The following PDE7B variants were observed in gnomAD, a reference collection of about 807,000 sequenced individuals.
PDE7B encodes 3',5'-cyclic-AMP phosphodiesterase 7B.
In PDE7B, 29 loss-of-function variants were observed where a neutral mutation model predicts 56.2. That is an observed-to-expected ratio of 0.52 (90% confidence interval 0.38 to 0.70). The LOEUF (loss-of-function observed/expected upper bound fraction) is 0.70, where lower values mean the gene tolerates loss of function less well. PDE7B is among the 30% of genes least tolerant of loss of function. The pLI, the probability that PDE7B is intolerant of heterozygous loss-of-function variation, is 0.00. For missense variants in PDE7B, 490 were observed against 565.0 expected, an observed-to-expected ratio of 0.87 and a Z score of 1.35; for synonymous variants, 197 against 196.9, an observed-to-expected ratio of 1.00 and a Z score of 0.00.
chr6:136,060,890 G>GT, intron 2 of PDE7B, among the ~76,000 whole-genome samples: 1 of 152,244 alleles, frequency 6.6e-6, no homozygotes, highest in Middle Eastern at 3.4e-3. Flanking sequence ...TAAAAAAGAA[G>GT]TCCTTGGAGT....
At chr6:136,187,162 T>A in intron 12 of PDE7B, 46 bp downstream of exon 12, 3 of 941,974 alleles carry the variant, frequency 3.2e-6, no homozygotes, top group Non-Finnish European at 5.1e-6. Flanking sequence ...CTTTGGCACA[T>A]CTCACAAAAG....
At chr6:135,983,398 G>A (rs1410088676) in intron 2 of PDE7B, among the ~76,000 whole-genome samples, 1 of 152,134 alleles carries the variant, frequency 6.6e-6, no homozygotes, top group Non-Finnish European at 1.5e-5. Context: ...ATTACATTTT[G>A]TTGTGTGTAA....
chr6:136,008,439 G>C (rs374836049), intron 2 of PDE7B, among the ~76,000 whole-genome samples: 3 of 152,138 alleles, frequency 2.0e-5, no homozygotes, highest in Admixed American at 6.5e-5. Flanking sequence ...AACTAGTGTA[G>C]AGTCCCACCA....
intron 8 of PDE7B, among the ~76,000 whole-genome samples, chr6:136,170,264 T>A (rs1324167493): frequency 1.3e-5 from 2 of 152,162 alleles, no homozygotes; most frequent in African/African-American, 2.4e-5. Context: ...TCCTTGCTTC[T>A]TTTCCCTTAC....
intron 3 of PDE7B, among the ~76,000 whole-genome samples, chr6:136,132,027 A>G (rs1299339641): frequency 6.6e-6 from 1 of 152,174 alleles, no homozygotes; most frequent in African/African-American, 2.4e-5. Context: ...GTTTTACTAT[A>G]CTTTTTATGT....
chr6:135,942,205 A>C (rs192008716), intron 1 of PDE7B, among the ~76,000 whole-genome samples: 1 of 152,316 alleles, frequency 6.6e-6, no homozygotes, highest in Admixed American at 6.5e-5. Flanking sequence ...TTTTATAACT[A>C]AACGTATGGT....
At chr6:135,926,101 A>AGG (rs1458954637) in intron 1 of PDE7B, among the ~76,000 whole-genome samples, 1 of 16,862 alleles carries the variant, frequency 5.9e-5, no homozygotes, top group African/African-American at 1.7e-4. Context: ...GGGGGGGGGG[A>AGG]GGGGGGATGG....
At chr6:136,156,214 G>A (rs891148708) in intron 8 of PDE7B, 1 of 272,160 alleles carries the variant, frequency 3.7e-6, no homozygotes, top group African/African-American at 2.6e-5. Context: ...TTCAGAAACA[G>A]GGTCTTGCTT....
chr6:135,918,306 A>T (rs986516967), intron 1 of PDE7B, among the ~76,000 whole-genome samples: 1 of 152,148 alleles, frequency 6.6e-6, no homozygotes, highest in Non-Finnish European at 1.5e-5. Context: ...ATGTTTTCCA[A>T]CATCTGAAAC....
At chr6:136,034,330 T>C (rs563612288) in intron 2 of PDE7B, 4 of 152,330 alleles carry the variant, frequency 2.6e-5, no homozygotes, top group Admixed American at 6.5e-5. Flanking sequence ...AAATCAACTA[T>C]ATATTTGACA....
At chr6:135,934,235 C>A (rs769272359) in intron 1 of PDE7B, among the ~76,000 whole-genome samples, 7 of 152,032 alleles carry the variant, frequency 4.6e-5, no homozygotes, top group Admixed American at 2.6e-4. Context: ...CCCCAAGTGA[C>A]CTTTATATAA....
At chr6:136,138,431 C>T (rs144629684) in intron 3 of PDE7B, among the ~76,000 whole-genome samples, 279 of 151,974 alleles carry the variant, frequency 1.8e-3, no homozygotes, top group Non-Finnish European at 3.1e-3. Flanking sequence ...CTTCTTATAT[C>T]TTCGTTTTTC....
intron 2 of PDE7B, among the ~76,000 whole-genome samples, chr6:135,989,262 C>T (rs957634610): frequency 2.0e-5 from 3 of 152,070 alleles, no homozygotes; most frequent in Non-Finnish European, 4.4e-5. Context: ...CTATTTTATC[C>T]GTCACTATAT....
rs796072716 is a variant in PDE7B, at chr6:136,191,677, C to A, written c.1190C>A (p.Thr397Asn). The change falls in exon 13 of 13, where the codon ACC (threonine) becomes AAC (asparagine). Residue 397 changes from threonine to asparagine, a missense_variant. Transcript: ENST00000308191. ...TGGGCCCATTTCACGGGTAACAGCA[C>A]CCTGTCGGAGAACATGCTGGGCCAC... ...REWAHFTGNS[T>N]LSENMLGHLA... 1.9e-6 allele frequency: 3 copies of A among 1,614,020 alleles called. No homozygotes were observed. Among genetic ancestry groups the A allele is most frequent in the African/African-American group, 1.3e-5 (1 of 75,054 alleles).
chr6:136,166,312 C>T (rs1778792228), intron 8 of PDE7B: 1 of 152,360 alleles, frequency 6.6e-6, no homozygotes, highest in African/African-American at 2.4e-5. Flanking sequence ...ATCTCCATCA[C>T]CTCTTACCTG....
chr6:136,092,542 C>G (rs1160309784), intron 2 of PDE7B, among the ~76,000 whole-genome samples: 1 of 152,156 alleles, frequency 6.6e-6, no homozygotes, highest in Non-Finnish European at 1.5e-5. Flanking sequence ...AGGTGGATCA[C>G]CTGAGTTCAG....
intron 2 of PDE7B, among the ~76,000 whole-genome samples, chr6:135,957,013 T>C (rs1353051486): frequency 6.6e-6 from 1 of 151,992 alleles, no homozygotes; most frequent in East Asian, 1.9e-4. Flanking sequence ...TGAGAATGTT[T>C]TGATGGTGAG....
intron 2 of PDE7B, among the ~76,000 whole-genome samples, chr6:136,031,651 A>G (rs922969766): frequency 2.0e-4 from 30 of 148,668 alleles, no homozygotes; most frequent in African/African-American, 7.4e-4. Flanking sequence ...AGGCAGGAGA[A>G]TGGCGTGAAC....
chr6:135,949,432 G>A (rs536267917), intron 2 of PDE7B, among the ~76,000 whole-genome samples: 5 of 152,048 alleles, frequency 3.3e-5, no homozygotes, highest in South Asian at 2.1e-4. Flanking sequence ...AATCCTGACC[G>A]CCAAATATGT....
Sources: allele counts gnomAD v4.1 joint callset (sites outside exome capture counted in the v4.1 genomes callset), GRCh38; gene constraint gnomAD v4.1.1; transcripts MANE v1.5; gene names NCBI Gene and HGNC (gene_info 2026-07-23, HGNC 2026-07-21).